STK24: variants seen among roughly 807,000 people sequenced by gnomAD.
STK24 encodes serine/threonine-protein kinase 24.
STK24 carries 21 observed loss-of-function variants against 55.6 expected under a neutral mutation model. The ratio of observed to expected loss-of-function variants is 0.38; its 90% confidence interval spans 0.27 to 0.54. STK24 has a LOEUF of 0.54. Among genes scored for constraint, STK24 ranks in the 20% least tolerant of loss-of-function variants. The pLI is 0.79. For missense variants in STK24, 383 were observed against 538.4 expected, an observed-to-expected ratio of 0.71 and a Z score of 2.86; for synonymous variants, 200 against 215.2, an observed-to-expected ratio of 0.93 and a Z score of 0.62.
At chr13:98,472,318 C>T (rs1215657419) in intron 5 of STK24, among the ~76,000 whole-genome samples, 2 of 152,174 alleles carry the variant, frequency 1.3e-5, no homozygotes, top group East Asian at 3.9e-4. Flanking sequence ...AGAGTTTGCT[C>T]ATGATTTCCA....
intron 1 of STK24, among the ~76,000 whole-genome samples, chr13:98,555,144 A>G (rs1428350531): frequency 6.6e-6 from 1 of 152,184 alleles, no homozygotes; most frequent in Non-Finnish European, 1.5e-5. Flanking sequence ...CCTAGCCACC[A>G]TCATAGCTGA....
chr13:98,480,390 G>C (rs1894537283), intron 3 of STK24, among the ~76,000 whole-genome samples: 1 of 152,146 alleles, frequency 6.6e-6, no homozygotes, highest in South Asian at 2.1e-4. Context: ...TTAGATAATA[G>C]TAAATCTAAT....
At position 98,449,763 on chromosome 13, in the gene STK24, A is replaced by G. The variant is rs1303357868; in HGVS notation, c.*3410T>C. 6.6e-6 allele frequency: 1 copy of G among 151,990 alleles called. No individual in the cohort carries two copies. Among genetic ancestry groups the G allele is most frequent in the Non-Finnish European group, 1.5e-5 (1 of 67,866 alleles). 9.4% of individuals were successfully genotyped at this position (151,990 alleles called of 1,614,324 possible). The stretch of plus-strand genomic sequence containing the variant: ...ATCCAGCATATTGATGTTTTAAGGC[A>G]AAACAACCAACTTTGTCTGTAGTCT... On this transcript the variant is annotated 3_prime_UTR_variant, in exon 11 of 11. Coordinates refer to ENST00000539966, the MANE Select transcript of STK24 (RefSeq NM_001032296.4).
intron 2 of STK24, among the ~76,000 whole-genome samples, chr13:98,493,605 G>C (rs528026580): frequency 6.6e-6 from 1 of 152,030 alleles, no homozygotes; most frequent in Non-Finnish European, 1.5e-5. Flanking sequence ...CTAGTAACAC[G>C]TGTTCTTTCT....
At chr13:98,462,585 A>C (rs1893755417) in intron 7 of STK24, among the ~76,000 whole-genome samples, 2 of 150,962 alleles carry the variant, frequency 1.3e-5, no homozygotes, top group African/African-American at 2.4e-5. Flanking sequence ...CCTCACCCTC[A>C]CACCTAGGGG....
At chr13:98,527,988 G>A (rs72645188) in intron 1 of STK24, among the ~76,000 whole-genome samples, 3,191 of 152,236 alleles carry the variant, frequency 0.021, 50 homozygotes, top group East Asian at 0.065. Flanking sequence ...GAGAGCTCTG[G>A]GGGCGATGGT....
At chr13:98,537,350 C>T (rs1218620963) in intron 1 of STK24, among the ~76,000 whole-genome samples, 11 of 152,220 alleles carry the variant, frequency 7.2e-5, no homozygotes, top group Admixed American at 6.5e-5. Flanking sequence ...ACCCTATGGC[C>T]GCTGTGATGT....
At chr13:98,541,189 T>C (rs570309632) in intron 1 of STK24, among the ~76,000 whole-genome samples, 1 of 152,274 alleles carries the variant, frequency 6.6e-6, no homozygotes, top group Non-Finnish European at 1.5e-5. Flanking sequence ...GTATATAAGC[T>C]CTGGAAAACT....
At chr13:98,548,562 CATGAAAATAGAACAA>C (rs766990383) in intron 1 of STK24, among the ~76,000 whole-genome samples, 73 of 152,272 alleles carry the variant, frequency 4.8e-4, no homozygotes, top group Non-Finnish European at 9.3e-4. Context: ...CATCTTTCTA[CATGAAAATAGAACAA>C]ATGGCTGGGC....
intron 1 of STK24, among the ~76,000 whole-genome samples, chr13:98,530,591 A>T (rs561373620): frequency 6.6e-6 from 1 of 152,162 alleles, no homozygotes; most frequent in Admixed American, 6.5e-5. Flanking sequence ...CAGGTCCATC[A>T]CTGTCTCCGG....
chr13:98,565,068 C>T (rs551151045), intron 1 of STK24, among the ~76,000 whole-genome samples: 100 of 152,340 alleles, frequency 6.6e-4, no homozygotes, highest in African/African-American at 2.3e-3. Context: ...GCTGCAAGCA[C>T]TGATTGTAGC....
At chr13:98,518,946 G>C (rs1167704011) in intron 2 of STK24, among the ~76,000 whole-genome samples, 1 of 146,126 alleles carries the variant, frequency 6.8e-6, no homozygotes, top group Non-Finnish European at 1.6e-5. Context: ...AAAATTAGGT[G>C]AATAACTGTT....
intron 7 of STK24, among the ~76,000 whole-genome samples, chr13:98,462,958 C>T (rs1200259486): frequency 2.0e-5 from 3 of 152,184 alleles, no homozygotes; most frequent in South Asian, 2.1e-4. Context: ...AATGGCAGTA[C>T]CTCAAGAACT....
At chr13:98,541,667 A>T (rs574241493) in intron 1 of STK24, among the ~76,000 whole-genome samples, 1 of 152,352 alleles carries the variant, frequency 6.6e-6, no homozygotes, top group Non-Finnish European at 1.5e-5. Context: ...TGTAATCCCC[A>T]TCTCTTCAAA....
At chr13:98,463,473 AC>A in intron 7 of STK24, among the ~76,000 whole-genome samples, 1 of 152,264 alleles carries the variant, frequency 6.6e-6, no homozygotes, top group African/African-American at 2.4e-5. Context: ...GCACAGCTCT[AC>A]CACAAGAGTT....
At chr13:98,576,605 CGGCCGAGCCGGGCGCGCGG>C in intron 1 of STK24, 121 bp downstream of exon 1, 1 of 619,764 alleles carries the variant, frequency 1.6e-6, no homozygotes, top group South Asian at 2.7e-5. Context: ...CTCGGACCCC[CGGCCGAGCCGGGCGCGCGG>C]GGAGCCAGGC....
chr13:98,515,570 C>G (rs757524328), intron 2 of STK24, among the ~76,000 whole-genome samples: 1 of 152,078 alleles, frequency 6.6e-6, no homozygotes, highest in Non-Finnish European at 1.5e-5. Flanking sequence ...AAATTCTAGC[C>G]CTTGTTTTCA....
chr13:98,519,236 G>C lies in STK24; in HGVS notation c.273+7C>G, dbSNP rs201271445. On this transcript the variant is annotated splice_region_variant and intron_variant, in intron 2 of 10. Transcript: ENST00000539966. Reference sequence around the variant, plus strand: ...AGAACGGAGAAGCACGTTATTTTAAGCCTTACCTTCAGATAGGATCCATAA... The same window carrying C: ...AGAACGGAGAAGCACGTTATTTTAACCCTTACCTTCAGATAGGATCCATAA... 3.8e-4 allele frequency: 618 copies of C among 1,610,776 alleles called. No homozygotes were observed. The highest frequency in any genetic ancestry group is 5.0e-4 in the Non-Finnish European group (594 of 1,177,078).
intron 4 of STK24, 22 bp from the exon 5 acceptor site, chr13:98,475,000 G>C: frequency 6.3e-7 from 1 of 1,593,290 alleles, no homozygotes; most frequent in Non-Finnish European, 8.5e-7. Context: ...AGCCAAGGCG[G>C]CCCTGGGCGG....
Sources: gnomAD v4.1 joint callset for allele counts (sites outside exome capture counted in the v4.1 genomes callset) on GRCh38, gnomAD v4.1.1 for gene constraint, MANE v1.5 for transcripts, NCBI Gene and HGNC (gene_info 2026-07-23, HGNC 2026-07-21) for gene names.